The following ZDHHC15 variants were observed in gnomAD, a reference collection of about 807,000 sequenced individuals.
ZDHHC15 encodes the protein zDHHC palmitoyltransferase 15, also known as palmitoyltransferase ZDHHC15.
ZDHHC15 carries 19 observed loss-of-function variants against 31.7 expected under a neutral mutation model. The ratio of observed to expected loss-of-function variants is 0.60; its 90% CI spans 0.42 to 0.88. The LOEUF is 0.88. Ranked by LOEUF, ZDHHC15 falls within the 40% of genes least tolerant of loss-of-function variation. ZDHHC15 has a pLI of 0.00. For missense variants in ZDHHC15, 209 were observed against 251.2 expected, an observed-to-expected ratio of 0.83 and a Z score of 1.14; for synonymous variants, 103 against 90.0, an observed-to-expected ratio of 1.14 and a Z score of -0.82.
intron 4 of ZDHHC15, among the ~76,000 whole-genome samples, chrX:75,445,816 T>C (rs927878246): frequency 7.2e-5 from 8 of 111,473 alleles, no homozygotes; most frequent in Admixed American, 3.8e-4. Context: ...TTCCAATGCA[T>C]CTTATTTGCC....
chrX:75,481,368 A>G (rs183509696), intron 2 of ZDHHC15, among the ~76,000 whole-genome samples: 2 of 111,719 alleles, frequency 1.8e-5, no homozygotes. Flanking sequence ...TCTTAAGCAC[A>G]TTAACTGTAT....
intron 4 of ZDHHC15, among the ~76,000 whole-genome samples, chrX:75,432,871 C>T (rs929566527): frequency 9.0e-6 from 1 of 111,088 alleles, no homozygotes; most frequent in African/African-American, 3.3e-5. Context: ...GTGGCCTCAG[C>T]TACTTGGGAG....
chrX:75,391,467 A>C (rs751555134), intron 10 of ZDHHC15, among the ~76,000 whole-genome samples: 1 of 112,056 alleles, frequency 8.9e-6, no homozygotes, highest in South Asian at 3.7e-4. Context: ...GGATCCTAAA[A>C]GCAGCAAGAA....
intron 10 of ZDHHC15, among the ~76,000 whole-genome samples, chrX:75,397,290 G>A (rs1470191687): frequency 3.7e-5 from 4 of 107,479 alleles, no homozygotes; most frequent in Non-Finnish European, 7.7e-5. Context: ...TCACACCACT[G>A]CACTACAGCC....
chrX:75,497,873 C>A (rs750946671), intron 2 of ZDHHC15, among the ~76,000 whole-genome samples: 1 of 109,900 alleles, frequency 9.1e-6, no homozygotes, highest in Non-Finnish European at 1.9e-5. Flanking sequence ...CAACATTACA[C>A]TGAATGGGGA....
At chrX:75,498,009 C>T (rs2085031469) in intron 2 of ZDHHC15, among the ~76,000 whole-genome samples, 1 of 107,770 alleles carries the variant, frequency 9.3e-6, no homozygotes, top group Non-Finnish European at 1.9e-5. Flanking sequence ...TCTCAGCTCA[C>T]CGCAACCTCC....
intron 2 of ZDHHC15, among the ~76,000 whole-genome samples, chrX:75,490,059 G>T (rs1393457915): frequency 1.8e-5 from 2 of 111,375 alleles, no homozygotes; most frequent in African/African-American, 3.3e-5. Context: ...TAAAAGAAAC[G>T]AACAAAGCCT....
chrX:75,443,512 A>G (rs1234154911), intron 4 of ZDHHC15, among the ~76,000 whole-genome samples: 2 of 111,836 alleles, frequency 1.8e-5, no homozygotes, highest in African/African-American at 6.5e-5. Context: ...AACCATAAAA[A>G]CCCTACAAGA....
In ZDHHC15 at chrX:75,444,660, AT is replaced by A. The variant is rs2084002953; in HGVS notation, c.379+6141del. Among the ~76,000 whole-genome samples, 2 of 75,199 alleles carry A rather than the reference AT, an allele frequency of 2.7e-5. 1 individual carries two copies. The highest frequency in any genetic ancestry group is 2.9e-4 in the Admixed American group (2 of 6,840). 65.3% of individuals were successfully genotyped at this position (75,199 alleles called of 115,157 possible). ...ACACTGTATATATATATATATATAT[AT>A]ATATATATATATATATATATATATA... On this transcript the variant is annotated intron_variant, in intron 4 of 11. Coordinates refer to ENST00000373367, the MANE Select transcript of ZDHHC15 (RefSeq NM_144969.3).
At chrX:75,378,853 G>A (rs2083086065) in intron 11 of ZDHHC15, among the ~76,000 whole-genome samples, 1 of 111,089 alleles carries the variant, frequency 9.0e-6, no homozygotes, top group African/African-American at 3.3e-5. Flanking sequence ...TAACCTTAAC[G>A]GAATGTTTGG....
chrX:75,491,322 TG>T (rs974636069), intron 2 of ZDHHC15, among the ~76,000 whole-genome samples: 2 of 109,196 alleles, frequency 1.8e-5, no homozygotes, highest in Non-Finnish European at 3.8e-5. Context: ...TCATGTCCTT[TG>T]TAGGGACATG....
chrX:75,506,234 G>A (rs747953904), intron 1 of ZDHHC15, among the ~76,000 whole-genome samples: 32 of 111,471 alleles, frequency 2.9e-4, no homozygotes, highest in Non-Finnish European at 4.9e-4. Flanking sequence ...TAGGGTAAAT[G>A]TGCACAACGT....
chrX:75,419,936 C>T (rs1281665447), intron 9 of ZDHHC15, among the ~76,000 whole-genome samples: 1 of 70,641 alleles, frequency 1.4e-5, no homozygotes, highest in East Asian at 4.9e-4. Flanking sequence ...ACATCACACA[C>T]TGGGGTCTGT....
chrX:75,385,760 T>C (rs758638286), intron 10 of ZDHHC15, among the ~76,000 whole-genome samples: 4 of 111,501 alleles, frequency 3.6e-5, no homozygotes, highest in Non-Finnish European at 7.5e-5. Flanking sequence ...CTATCTAATC[T>C]TCAAGGTCCA....
intron 9 of ZDHHC15, 64 bp downstream of exon 9, chrX:75,421,800 A>C (rs1362045659): frequency 8.7e-6 from 10 of 1,149,817 alleles, no homozygotes; most frequent in Admixed American, 2.4e-5. Context: ...TACAATCAAA[A>C]TTGAATTTGC....
At chrX:75,444,681 T>TACAC (rs1414916870) in intron 4 of ZDHHC15, among the ~76,000 whole-genome samples, 20 of 39,720 alleles carry the variant, frequency 5.0e-4, no homozygotes, top group Non-Finnish European at 7.7e-4. Context: ...TATATATATA[T>TACAC]ATATATACAC....
chrX:75,519,780 G>T (rs1419140311), intron 1 of ZDHHC15, among the ~76,000 whole-genome samples: 1 of 111,961 alleles, frequency 8.9e-6, no homozygotes, highest in Non-Finnish European at 1.9e-5. Flanking sequence ...AGGAAAATTT[G>T]ATTTAACCTT....
chrX:75,448,228 C>A (rs1214887645), intron 4 of ZDHHC15, among the ~76,000 whole-genome samples: 1 of 112,298 alleles, frequency 8.9e-6, no homozygotes, highest in Non-Finnish European at 1.9e-5. Context: ...TCAGGCAGGA[C>A]TACTAATGAC....
chrX:75,388,780 G>A (rs985546988), intron 10 of ZDHHC15, among the ~76,000 whole-genome samples: 1 of 111,750 alleles, frequency 8.9e-6, no homozygotes, highest in Non-Finnish European at 1.9e-5. Flanking sequence ...TAAAAGCATA[G>A]AAGAGACTGG....
Sources: gnomAD v4.1 joint callset for allele counts (sites outside exome capture counted in the v4.1 genomes callset) on GRCh38, gnomAD v4.1.1 for gene constraint, MANE v1.5 for transcripts, NCBI Gene and HGNC (gene_info 2026-07-23, HGNC 2026-07-21) for gene names.